The following TYW1 variants were observed in gnomAD, a reference collection of about 807,000 sequenced individuals.
TYW1 encodes the protein S-adenosyl-L-methionine-dependent tRNA 4-demethylwyosine synthase TYW1.
TYW1 carries 46 observed loss-of-function variants against 96.2 expected under a neutral mutation model. The ratio of observed to expected loss-of-function variants is 0.48; its 90% CI spans 0.38 to 0.61. The LOEUF is 0.61. TYW1 is among the 20% of genes least tolerant of loss of function. The pLI, the probability that TYW1 is intolerant of heterozygous loss-of-function variation, is 0.00. For missense variants in TYW1, 684 were observed against 909.6 expected, an observed-to-expected ratio of 0.75 and a Z score of 3.19; for synonymous variants, 274 against 323.0, an observed-to-expected ratio of 0.85 and a Z score of 1.63.
chr7:67,115,540 A>G (rs895848476), intron 12 of TYW1, among the ~76,000 whole-genome samples: 8 of 152,190 alleles, frequency 5.3e-5, no homozygotes, highest in African/African-American at 1.7e-4. Flanking sequence ...AGTGAACAGA[A>G]GTCTAGACAC....
chr7:67,175,550 TAAAGA>T (rs1799646249), intron 13 of TYW1, among the ~76,000 whole-genome samples: 1 of 152,168 alleles, frequency 6.6e-6, no homozygotes, highest in African/African-American at 2.4e-5. Context: ...GCAAATATTT[TAAAGA>T]AAAGATCAAT....
chr7:67,231,850 A>ATT (rs34854479), intron 15 of TYW1, among the ~76,000 whole-genome samples: 7 of 147,378 alleles, frequency 4.7e-5, no homozygotes, highest in Admixed American at 4.7e-4. Flanking sequence ...CCTCTCTTCT[A>ATT]TTTTTTTTTT....
chr7:67,110,434 C>T (rs1128730), intron 12 of TYW1, among the ~76,000 whole-genome samples: 6,087 of 152,184 alleles, frequency 0.04, 178 homozygotes, highest in Middle Eastern at 0.1. Context: ...CAGAGCCCCT[C>T]GACAAAGGCT....
chr7:67,216,355 T>C (rs1209433436), intron 15 of TYW1, among the ~76,000 whole-genome samples: 1 of 136,312 alleles, frequency 7.3e-6, no homozygotes, highest in Non-Finnish European at 1.6e-5. Context: ...TACGATTTTC[T>C]CTAAGATAAA....
intron 5 of TYW1, among the ~76,000 whole-genome samples, chr7:67,017,358 C>T (rs199801575): frequency 6.6e-6 from 1 of 152,146 alleles, no homozygotes; most frequent in East Asian, 1.9e-4. Context: ...AACTATGCCT[C>T]TGATAACTCC....
intron 13 of TYW1, among the ~76,000 whole-genome samples, chr7:67,162,043 TC>T (rs1364461055): frequency 6.6e-6 from 1 of 152,106 alleles, no homozygotes; most frequent in Non-Finnish European, 1.5e-5. Context: ...ACGCCTGTAA[TC>T]CCAGCACTTT....
At chr7:67,008,523 T>G (rs1793679333) in intron 3 of TYW1, among the ~76,000 whole-genome samples, 4 of 152,182 alleles carry the variant, frequency 2.6e-5, no homozygotes, top group African/African-American at 9.7e-5. Context: ...CATTCCATCT[T>G]TTGTTGTAGT....
At chr7:67,145,172 C>CA (rs1798570621) in intron 13 of TYW1, among the ~76,000 whole-genome samples, 1 of 118,150 alleles carries the variant, frequency 8.5e-6, no homozygotes, top group Non-Finnish European at 1.7e-5. Flanking sequence ...TTTTTTGAAA[C>CA]GAGTCTCGCT....
chr7:67,163,966 G>A (rs1012676302), intron 13 of TYW1, among the ~76,000 whole-genome samples: 2 of 152,164 alleles, frequency 1.3e-5, no homozygotes, highest in African/African-American at 4.8e-5. Flanking sequence ...ACCACGCCTG[G>A]CAGAGCAGGA....
At chr7:67,101,431 G>C (rs1284811089) in intron 12 of TYW1, among the ~76,000 whole-genome samples, 2 of 152,184 alleles carry the variant, frequency 1.3e-5, no homozygotes, top group Non-Finnish European at 2.9e-5. Context: ...GTGAAAAAAG[G>C]TGAAAATATT....
intron 13 of TYW1, among the ~76,000 whole-genome samples, chr7:67,169,662 G>A (rs745652708): frequency 6.6e-6 from 1 of 152,208 alleles, no homozygotes; most frequent in East Asian, 1.9e-4. Flanking sequence ...GCCTCCCAAA[G>A]TGCTGGGATT....
At chr7:67,197,820 G>A (rs1222614886) in intron 15 of TYW1, among the ~76,000 whole-genome samples, 1 of 151,662 alleles carries the variant, frequency 6.6e-6, no homozygotes, top group Non-Finnish European at 1.5e-5. Context: ...TTACAAAAAA[G>A]TGCAATGATA....
In TYW1 at chr7:67,152,331, T is replaced by C. The variant is rs533011566; in HGVS notation, c.1699-30795T>C. Among the ~76,000 whole-genome samples, 16 of 152,354 alleles carry C rather than the reference T, an allele frequency of 1.1e-4. 1 individual carries two copies. In the South Asian group the frequency reaches 1.9e-3, roughly 18 times the overall value. ...TACTCATGAATTGCCCTATCTATAA[T>C]GGCTTCCTCGTTCATCCTCCTGAAT... is the stretch of plus-strand genomic sequence containing the variant. On this transcript the variant is annotated intron_variant, in intron 13 of 15. Coordinates refer to ENST00000359626, the MANE Select transcript of TYW1 (RefSeq NM_018264.4).
chr7:67,042,679 AGAG>A (rs1279518290), intron 7 of TYW1, among the ~76,000 whole-genome samples: 1 of 151,928 alleles, frequency 6.6e-6, no homozygotes, highest in Admixed American at 6.6e-5. Context: ...GTGTGGGGAG[AGAG>A]GAGAGTTCCA....
At chr7:67,110,142 A>G (rs927251475) in intron 12 of TYW1, among the ~76,000 whole-genome samples, 3 of 152,216 alleles carry the variant, frequency 2.0e-5, no homozygotes, top group Non-Finnish European at 2.9e-5. Context: ...TTAGCTTCAC[A>G]AAGCCGCCTC....
chr7:67,099,934 G>A (rs1463530109), intron 12 of TYW1, among the ~76,000 whole-genome samples: 4 of 151,988 alleles, frequency 2.6e-5, no homozygotes, highest in Admixed American at 6.6e-5. Context: ...CCCGGGAGGC[G>A]GAGGTTTCAG....
chr7:67,149,438 A>AGAAACTCATATACATGGC (rs1467106472), intron 13 of TYW1, among the ~76,000 whole-genome samples: 1 of 152,216 alleles, frequency 6.6e-6, no homozygotes. Flanking sequence ...TATACATGGC[A>AGAAACTCATATACATGGC]AAAACTCATT....
intron 15 of TYW1, among the ~76,000 whole-genome samples, chr7:67,217,512 C>A (rs1169296035): frequency 6.6e-6 from 1 of 152,116 alleles, no homozygotes; most frequent in Non-Finnish European, 1.5e-5. Context: ...GGATGCTGTC[C>A]TTTCCCCATT....
intron 4 of TYW1, among the ~76,000 whole-genome samples, chr7:67,011,937 A>G (rs1412114758): frequency 6.6e-6 from 1 of 151,844 alleles, no homozygotes; most frequent in Non-Finnish European, 1.5e-5. Context: ...GTGAAGGGCC[A>G]GGTAGTATCT....
Sources: allele counts gnomAD v4.1 joint callset (sites outside exome capture counted in the v4.1 genomes callset), GRCh38; gene constraint gnomAD v4.1.1; transcripts MANE v1.5; gene names NCBI Gene and HGNC (gene_info 2026-07-23, HGNC 2026-07-21).